The following CEP41 variants were observed in gnomAD, a reference collection of about 807,000 sequenced individuals.
CEP41 encodes the protein centrosomal protein 41.
A neutral mutation model predicts 44.3 loss-of-function variants in CEP41; 32 were observed. That is an observed-to-expected ratio of 0.72 (90% confidence interval 0.54 to 0.97). The LOEUF is 0.97. Ranked by LOEUF, CEP41 falls within the 50% of genes least tolerant of loss-of-function variation. The pLI, the probability that CEP41 is intolerant of heterozygous loss-of-function variation, is 0.00. For synonymous variants in CEP41, 151 were observed against 168.5 expected (o/e 0.90, Z 0.80); for missense variants, 432 against 455.2 (o/e 0.95, Z 0.46).
At chr7:130,440,808 CCTCCTCACGCCG>C in intron 1 of CEP41, 114 bp downstream of exon 1, 1 of 933,240 alleles carries the variant, frequency 1.1e-6, no homozygotes, top group Non-Finnish European at 1.7e-6. Flanking sequence ...CATCCCGACC[CCTCCTCACGCCG>C]GCCCCTTCCC....
chr7:130,410,000 A>G (rs1325103809), intron 5 of CEP41, among the ~76,000 whole-genome samples: 5 of 144,618 alleles, frequency 3.5e-5, no homozygotes, highest in African/African-American at 1.3e-4. Context: ...GCCCAGTTCC[A>G]GTGCCTTGAG....
chr7:130,422,487 C>T (rs1797537658), intron 2 of CEP41, among the ~76,000 whole-genome samples: 1 of 152,102 alleles, frequency 6.6e-6, no homozygotes, highest in African/African-American at 2.4e-5. Flanking sequence ...TTGATCCAGG[C>T]CCTGTTGGCT....
chr7:130,438,737 A>G (rs1379081138), intron 1 of CEP41, among the ~76,000 whole-genome samples: 1 of 152,174 alleles, frequency 6.6e-6, no homozygotes, highest in African/African-American at 2.4e-5. Flanking sequence ...AGCAGACAAG[A>G]TAAATATGTG....
At chr7:130,437,512 A>C (rs1470545112) in intron 1 of CEP41, among the ~76,000 whole-genome samples, 1 of 151,862 alleles carries the variant, frequency 6.6e-6, no homozygotes, top group Non-Finnish European at 1.5e-5. Context: ...GGTGGCTCAC[A>C]CCTGTAATCC....
chr7:130,402,511 T>C (rs970215274), intron 7 of CEP41, 137 bp downstream of exon 7: 27 of 935,036 alleles, frequency 2.9e-5, no homozygotes, highest in East Asian at 9.8e-5. Context: ...GCCAACCCTA[T>C]AGGATTCCAT....
chr7:130,394,941 G>C lies in CEP41; in HGVS notation c.*3950C>G, dbSNP rs1796616438. On this transcript the variant is annotated 3_prime_UTR_variant, in exon 11 of 11. Coordinates refer to ENST00000223208, the MANE Select transcript of CEP41 (RefSeq NM_018718.3). ...CCTCACATTTTACCAGGTGCTTCAG[G>C]ATGTTACACAGGTGAGAATTTGCTT... 2.2e-6 allele frequency: 1 copy of C among 453,964 alleles called. No homozygotes were observed. The highest frequency in any genetic ancestry group is 2.4e-5 in the Admixed American group (1 of 42,548). The allele number at this position is 453,964 out of a possible 1,614,324, so 28.1% of individuals were successfully genotyped here. A position where few individuals can be genotyped will look rare whatever the true frequency, so the allele number is the denominator to read the frequency against.
intron 7 of CEP41, 92 bp from the exon 8 acceptor site, chr7:130,402,040 T>G: frequency 1.2e-6 from 1 of 862,458 alleles, no homozygotes; most frequent in Non-Finnish European, 2.0e-6. Flanking sequence ...AAGAGTTAAA[T>G]ACATCTTCAA....
chr7:130,426,771 T>C, intron 2 of CEP41: 1 of 401,796 alleles, frequency 2.5e-6, no homozygotes, highest in Non-Finnish European at 4.9e-6. Context: ...TAAGAAACAG[T>C]ACACCAGACT....
At chr7:130,406,285 T>A (rs557425548) in intron 5 of CEP41, among the ~76,000 whole-genome samples, 127 of 152,198 alleles carry the variant, frequency 8.3e-4, no homozygotes, top group African/African-American at 2.2e-3. Flanking sequence ...AAAGTTTTTT[T>A]AAAAATAATA....
At chr7:130,402,857 G>T (rs782015170) in intron 6 of CEP41, 58 bp from the exon 7 acceptor site, 1 of 1,557,398 alleles carries the variant, frequency 6.4e-7, no homozygotes, top group Non-Finnish European at 8.9e-7. Context: ...CTTAAAGGTC[G>T]AACGTGTCTC....
chr7:130,422,994 T>G (rs1192167477), intron 2 of CEP41, among the ~76,000 whole-genome samples: 1 of 152,260 alleles, frequency 6.6e-6, no homozygotes, highest in Non-Finnish European at 1.5e-5. Context: ...TCACCGAGGC[T>G]GGAGTGCAGT....
chr7:130,402,811 A>G lies in CEP41; in HGVS notation c.423-12T>C, dbSNP rs782633447. 1.2e-6 allele frequency: 2 copies of G among 1,614,112 alleles called. No individual in the cohort carries two copies. Among genetic ancestry groups the G allele is most frequent in the South Asian group, 1.1e-5 (1 of 91,066 alleles). On this transcript the variant is annotated splice_polypyrimidine_tract_variant and intron_variant, in intron 6 of 10. Coordinates refer to ENST00000223208, the MANE Select transcript of CEP41 (RefSeq NM_018718.3). ...CACCACTGATGACACTGCAAGTGAA[A>G]AAGTAGGTCAGCAGAAACTAGTCAG...
intron 10 of CEP41, 33 bp from the exon 11 acceptor site, chr7:130,399,072 C>G: frequency 6.2e-7 from 1 of 1,611,878 alleles, no homozygotes; most frequent in Non-Finnish European, 8.5e-7. Context: ...AACAGAGCTG[C>G]AAGAATGATT....
intron 5 of CEP41, among the ~76,000 whole-genome samples, chr7:130,406,422 A>C (rs1797010717): frequency 6.6e-6 from 1 of 152,038 alleles, no homozygotes; most frequent in Non-Finnish European, 1.5e-5. Context: ...CATCTCTACT[A>C]AAAATATAAA....
chr7:130,420,878 C>G (rs924324202), intron 2 of CEP41: 1 of 933,008 alleles, frequency 1.1e-6, no homozygotes. Flanking sequence ...TTTTATAATG[C>G]AAATACTTCC....
At chr7:130,431,475 A>T (rs1233923158) in intron 1 of CEP41, among the ~76,000 whole-genome samples, 1 of 152,222 alleles carries the variant, frequency 6.6e-6, no homozygotes, top group Non-Finnish European at 1.5e-5. Flanking sequence ...GGGAAGACAG[A>T]CAAGTGGATA....
intron 9 of CEP41, 107 bp downstream of exon 9, chr7:130,400,600 T>C: frequency 2.5e-6 from 2 of 798,870 alleles, no homozygotes; most frequent in Non-Finnish European, 2.2e-6. Context: ...TGGCTTTTTC[T>C]CTTTCCAGAA....
At chr7:130,401,325 G>C (rs73484538) in intron 8 of CEP41, 9,881 of 169,260 alleles carry the variant, frequency 0.058, 396 homozygotes, top group African/African-American at 0.12. Flanking sequence ...AATACATCGG[G>C]ATATGAACTG....
intron 1 of CEP41, among the ~76,000 whole-genome samples, chr7:130,428,410 C>G (rs1306253739): frequency 9.4e-6 from 1 of 106,228 alleles, no homozygotes; most frequent in East Asian, 2.9e-4. Flanking sequence ...GCCTGGGTGA[C>G]AGAGAGAGAC....
Sources: allele counts gnomAD v4.1 joint callset (sites outside exome capture counted in the v4.1 genomes callset), GRCh38; gene constraint gnomAD v4.1.1; transcripts MANE v1.5; gene names NCBI Gene and HGNC (gene_info 2026-07-23, HGNC 2026-07-21).